The following SLC41A2 variants were observed in gnomAD, a reference collection of about 807,000 sequenced individuals.
The protein encoded by SLC41A2 is SLC41A1-like 1.
SLC41A2 carries 32 observed loss-of-function variants against 58.3 expected under a neutral mutation model. The ratio of observed to expected loss-of-function variants is 0.55; its 90% CI spans 0.41 to 0.74. SLC41A2 has a LOEUF of 0.74. Among genes scored for constraint, SLC41A2 ranks in the 30% least tolerant of loss-of-function variants. The pLI, the probability that SLC41A2 is intolerant of heterozygous loss-of-function variation, is 0.00. For synonymous variants in SLC41A2, 190 were observed against 235.0 expected, an observed-to-expected ratio of 0.81 and a Z score of 1.75; for missense variants, 514 against 680.6, an observed-to-expected ratio of 0.76 and a Z score of 2.72.
chr12:104,905,951 A>T (rs555381861), intron 3 of SLC41A2, among the ~76,000 whole-genome samples: 1 of 152,220 alleles, frequency 6.6e-6, no homozygotes, highest in African/African-American at 2.4e-5. Context: ...CAGCCCAGAA[A>T]GGGGCTCCCA....
In SLC41A2 at chr12:104,928,555, C is replaced by T. The variant is rs2046941443; in HGVS notation, c.-28G>A. On this transcript the variant is annotated 5_prime_UTR_variant, in exon 2 of 11. Coordinates refer to ENST00000258538, the MANE Select transcript of SLC41A2 (RefSeq NM_001352171.3). Reference sequence around the variant, plus strand: ...TGTCATCACAAAAGACCCTGTACTCCTTAGATCTCAAGCTTCGGGAACCAC... The same window carrying T: ...TGTCATCACAAAAGACCCTGTACTCTTTAGATCTCAAGCTTCGGGAACCAC... The T allele has an allele frequency of 7.2e-7, 1 of 1,395,620 alleles. No individual in the cohort carries two copies. The allele number at this position is 1,395,620 out of a possible 1,614,324, so 86.5% of individuals were successfully genotyped here.
intron 8 of SLC41A2, among the ~76,000 whole-genome samples, chr12:104,852,848 A>G (rs1007949673): frequency 6.6e-6 from 1 of 152,154 alleles, no homozygotes; most frequent in Non-Finnish European, 1.5e-5. Context: ...TTTAATGTCA[A>G]AAAATGCTTT....
At chr12:104,854,431 C>T (rs563436446) in intron 8 of SLC41A2, among the ~76,000 whole-genome samples, 13 of 152,042 alleles carry the variant, frequency 8.6e-5, no homozygotes, top group East Asian at 7.7e-4. Flanking sequence ...GGCGTGGCGG[C>T]GGGCGACTGT....
In SLC41A2 at chr12:104,844,506, A is replaced by C. The variant is rs760348815; in HGVS notation, c.1502T>G (p.Phe501Cys). The C allele has an allele frequency of 6.4e-7, 1 of 1,556,156 alleles. No individual in the cohort carries two copies. Among genetic ancestry groups the C allele is most frequent in the South Asian group, 1.3e-5 (1 of 77,702 alleles). The change falls in exon 10 of 11, where the codon TTC (phenylalanine) becomes TGC (cysteine). Residue 501 changes from phenylalanine to cysteine, a missense_variant. Coordinates refer to ENST00000258538, the MANE Select transcript of SLC41A2 (RefSeq NM_001352171.3). ...KSGHTSLTII[F>C]IVVYLFGAVL... is the part of the protein sequence containing the mutation. The stretch of plus-strand genomic sequence containing the variant: ...AGCGCCAAATAAATACACTACTATG[A>C]AGATTATAGTTAAAGAAGTATGACC...
At chr12:104,944,663 T>C (rs945737720) in intron 1 of SLC41A2, among the ~76,000 whole-genome samples, 15 of 152,144 alleles carry the variant, frequency 9.9e-5, no homozygotes, top group Non-Finnish European at 1.6e-4. Flanking sequence ...TCTGGAGGGT[T>C]CTAAGCCCAG....
In SLC41A2 at chr12:104,805,108, T is replaced by C. The variant is rs201583035; in HGVS notation, c.*44A>G. 2.5e-5 allele frequency: 37 copies of C among 1,496,466 alleles called. No individual in the cohort carries two copies. In the East Asian group the frequency reaches 8.5e-4, roughly 34 times the overall value. The allele number at this position is 1,496,466 out of a possible 1,614,324, so 92.7% of individuals were successfully genotyped here. On this transcript the variant is annotated 3_prime_UTR_variant, in exon 11 of 11. Transcript: ENST00000258538. ...GAAAAAGAGCCATAAGTGGTTGTCGTGTATTTTCTTCCTTGGTAACTTGAG... is the reference window on the plus strand; with the variant it reads ...GAAAAAGAGCCATAAGTGGTTGTCGCGTATTTTCTTCCTTGGTAACTTGAG...
At chr12:104,868,367 A>G (rs1321210650) in intron 6 of SLC41A2, among the ~76,000 whole-genome samples, 8 of 152,218 alleles carry the variant, frequency 5.3e-5, no homozygotes, top group Non-Finnish European at 2.9e-5. Flanking sequence ...TCAGGTCAAG[A>G]GAGGAGCACC....
chr12:104,929,064 T>C (rs190615850), intron 1 of SLC41A2, among the ~76,000 whole-genome samples: 99 of 152,358 alleles, frequency 6.5e-4, no homozygotes, highest in Non-Finnish European at 5.9e-5. Context: ...CAAATTGCTA[T>C]ACCCTTTGCA....
chr12:104,886,401 T>G lies in SLC41A2; in HGVS notation c.919A>C (p.Thr307Pro). Residue 307 changes from threonine (T) to proline (P), a missense_variant, in exon 6 of 11, where the codon ACT becomes CCT. Physicochemically the swap from Thr to Pro is conservative, Grantham distance 38. This residue lies in a region of SLC41A2 where 336 missense variants were observed against 430.0 expected (regional missense o/e 0.78). Transcript: ENST00000258538. Reference protein sequence around the residue: ...MVGVIVGSKKTGINPDNVATP... With the variant: ...MVGVIVGSKKPGINPDNVATP... ...GCAACATTATCAGGATTTATACCAG[T>G]CTTCTTTGAACCAACGATAACCCCA... The G allele has an allele frequency of 6.2e-7, 1 of 1,613,608 alleles. No homozygotes were observed. Among genetic ancestry groups the G allele is most frequent in the Non-Finnish European group, 8.5e-7 (1 of 1,179,582 alleles).
At chr12:104,862,397 C>A (rs1168207429) in intron 7 of SLC41A2, among the ~76,000 whole-genome samples, 1 of 152,276 alleles carries the variant, frequency 6.6e-6, no homozygotes, top group East Asian at 1.9e-4. Flanking sequence ...GAATAAAGTA[C>A]ATACTTCAAG....
At chr12:104,911,269 C>T (rs1208125251) in intron 2 of SLC41A2, among the ~76,000 whole-genome samples, 4 of 152,218 alleles carry the variant, frequency 2.6e-5, no homozygotes, top group Admixed American at 2.6e-4. Context: ...ATAACCCAAC[C>T]ATATTGGGCA....
chr12:104,832,241 C>T (rs1376608477), intron 10 of SLC41A2, among the ~76,000 whole-genome samples: 1 of 152,174 alleles, frequency 6.6e-6, no homozygotes, highest in Admixed American at 6.5e-5. Flanking sequence ...CTCTCCTTTC[C>T]ATTCCTGTCT....
chr12:104,856,538 G>A (rs1158412408), intron 8 of SLC41A2, among the ~76,000 whole-genome samples: 1 of 152,134 alleles, frequency 6.6e-6, no homozygotes, highest in Non-Finnish European at 1.5e-5. Context: ...AGCACTATGG[G>A]AAAGGTGACT....
chr12:104,934,107 G>A (rs1361898289), intron 1 of SLC41A2, among the ~76,000 whole-genome samples: 1 of 151,908 alleles, frequency 6.6e-6, no homozygotes, highest in Non-Finnish European at 1.5e-5. Context: ...GATTTAAAAT[G>A]GGCATTGTGC....
In SLC41A2 at chr12:104,819,684, CT is replaced by C. The variant is rs2041550184; in HGVS notation, c.1537-14348del. Among the ~76,000 whole-genome samples the C allele has an allele frequency of 3.3e-5, 5 of 152,320 alleles. No homozygotes were observed. The South Asian group carries it at 1.0e-3, about 32-fold the overall frequency. ...CATCCATTCTCACTCCTTTTACAGT[CT>C]TTCTTACAGAGAGAGAAACACCTAG... is the stretch of plus-strand genomic sequence containing the variant. On this transcript the variant is annotated intron_variant, in intron 10 of 10. Coordinates refer to ENST00000258538, the MANE Select transcript of SLC41A2 (RefSeq NM_001352171.3).
intron 10 of SLC41A2, among the ~76,000 whole-genome samples, chr12:104,842,711 T>C (rs948123209): frequency 2.0e-5 from 3 of 152,102 alleles, no homozygotes; most frequent in Non-Finnish European, 4.4e-5. Context: ...GGTGAGACTT[T>C]AGATCAGAGG....
chr12:104,916,104 A>G (rs951457243), intron 2 of SLC41A2, among the ~76,000 whole-genome samples: 3 of 152,190 alleles, frequency 2.0e-5, no homozygotes, highest in African/African-American at 7.2e-5. Context: ...TCAGCCTTGC[A>G]TCCCAGGGAT....
chr12:104,938,651 C>G (rs1565917185), intron 1 of SLC41A2, among the ~76,000 whole-genome samples: 2 of 152,166 alleles, frequency 1.3e-5, no homozygotes, highest in African/African-American at 4.8e-5. Context: ...TGGAGAGATA[C>G]AGCAACCACA....
At chr12:104,957,074 A>G (rs2048195713) in intron 1 of SLC41A2, among the ~76,000 whole-genome samples, 1 of 152,228 alleles carries the variant, frequency 6.6e-6, no homozygotes, top group Non-Finnish European at 1.5e-5. Context: ...TGTCCACAAA[A>G]ACGTGTAAAC....
Sources: gnomAD v4.1 joint callset for allele counts (sites outside exome capture counted in the v4.1 genomes callset) on GRCh38, gnomAD v4.1.1 for gene constraint, gnomAD v4.1.1 regional missense constraint, MANE v1.5 for transcripts, NCBI Gene and HGNC (gene_info 2026-07-23, HGNC 2026-07-21) for gene names.